Variants in SHROOM4 observed in about 807,000 individuals in gnomAD.
The protein encoded by SHROOM4 is shroom family member 4, also known as protein Shroom4.
SHROOM4 carries 17 observed loss-of-function variants against 80.3 expected under a neutral mutation model. That is an observed-to-expected ratio of 0.21 (90% CI 0.14 to 0.32). The LOEUF (loss-of-function observed/expected upper bound fraction) is 0.32. Among genes scored for constraint, SHROOM4 ranks in the 10% least tolerant of loss-of-function variants. SHROOM4 has a pLI of 1.00. For synonymous variants in SHROOM4, 400 were observed against 437.5 expected (o/e 0.91, Z 1.07); for missense variants, 993 against 1,140.3 (o/e 0.87, Z 1.86).
chrX:50,669,044 A>T (rs1557260575), intron 2 of SHROOM4, among the ~76,000 whole-genome samples: 1 of 112,618 alleles, frequency 8.9e-6, no homozygotes, highest in Non-Finnish European at 1.9e-5. Flanking sequence ...ATGAAAGAAT[A>T]CTTTATTGCT....
intron 1 of SHROOM4, among the ~76,000 whole-genome samples, chrX:50,793,440 G>A (rs1935893457): frequency 9.1e-6 from 1 of 109,946 alleles, no homozygotes; most frequent in East Asian, 2.8e-4. Flanking sequence ...CATGTTAAAT[G>A]TTCTCACTAC....
rs1928948704 is a variant in SHROOM4, at chrX:50,593,163, C to T, written c.*3532G>A. ...ATGATGAATGGTATAGCATCAATAC[C>T]ATCCCTCAGAGGCCAGGGTAAGGGT... On this transcript the variant is annotated 3_prime_UTR_variant, in exon 9 of 9. Coordinates refer to ENST00000376020, the MANE Select transcript of SHROOM4 (RefSeq NM_020717.5). 8.9e-6 allele frequency: 1 copy of T among 111,986 alleles called. No homozygotes were observed. The highest frequency in any genetic ancestry group is 9.5e-5 in the Admixed American group (1 of 10,560). 9.2% of individuals were successfully genotyped at this position (111,986 alleles called of 1,213,427 possible).
chrX:50,798,067 C>T (rs923918813), intron 1 of SHROOM4, among the ~76,000 whole-genome samples: 1 of 110,051 alleles, frequency 9.1e-6, no homozygotes, highest in Admixed American at 9.7e-5. Flanking sequence ...GGGAGGCCAC[C>T]CCTCACTTAA....
rs1377622823 is a variant in SHROOM4, at chrX:50,592,888, A to C, written c.*3807T>G. The stretch of plus-strand genomic sequence containing the variant: ...TGTTGACTTTTTCTGCATTCTAAAC[A>C]TGGGGTTAGACTGGATGTGATGTTG... On this transcript the variant is annotated 3_prime_UTR_variant, in exon 9 of 9. Transcript: ENST00000376020. 8.9e-6 allele frequency: 1 copy of C among 112,278 alleles called. No individual in the cohort carries two copies. Among genetic ancestry groups the C allele is most frequent in the African/African-American group, 3.2e-5 (1 of 30,804 alleles). 9.3% of individuals were successfully genotyped at this position (112,278 alleles called of 1,213,427 possible).
chrX:50,689,463 T>C (rs1602435708), intron 2 of SHROOM4, among the ~76,000 whole-genome samples: 1 of 112,275 alleles, frequency 8.9e-6, no homozygotes. Context: ...CCTAAGACTT[T>C]ACCCACATCA....
intron 2 of SHROOM4, among the ~76,000 whole-genome samples, chrX:50,690,402 C>T (rs1893658857): frequency 9.0e-6 from 1 of 111,133 alleles, no homozygotes; most frequent in South Asian, 3.8e-4. Context: ...AAACCTAGTC[C>T]TTGGTTTCAT....
chrX:50,696,450 G>A, intron 1 of SHROOM4, among the ~76,000 whole-genome samples: 1 of 111,573 alleles, frequency 9.0e-6, no homozygotes, highest in Non-Finnish European at 1.9e-5. Flanking sequence ...TCCCTCCTAC[G>A]TGACATGTAG....
At chrX:50,770,946 T>TC (rs1331444921) in intron 1 of SHROOM4, among the ~76,000 whole-genome samples, 1 of 110,794 alleles carries the variant, frequency 9.0e-6, no homozygotes, top group African/African-American at 3.3e-5. Flanking sequence ...AACACACACT[T>TC]CCCCCTACTC....
downstream of SHROOM4, among the ~76,000 whole-genome samples, chrX:50,585,292 G>C (rs936853850): frequency 1.8e-5 from 2 of 111,657 alleles, no homozygotes; most frequent in African/African-American, 3.3e-5. Flanking sequence ...TATATCAACA[G>C]GATGTTTCTG....
chrX:50,784,842 C>T (rs1935707314), intron 1 of SHROOM4, among the ~76,000 whole-genome samples: 1 of 111,845 alleles, frequency 8.9e-6, no homozygotes, highest in African/African-American at 3.2e-5. Context: ...AAGCCACAGA[C>T]TGGGAGAAAA....
intron 1 of SHROOM4, among the ~76,000 whole-genome samples, chrX:50,797,061 T>C (rs1312952495): frequency 4.9e-5 from 4 of 80,837 alleles, no homozygotes; most frequent in Admixed American, 1.5e-4. Flanking sequence ...GGAGGGAGAA[T>C]AGGGAAAGAA....
chrX:50,730,729 C>T (rs1022715792), intron 1 of SHROOM4, among the ~76,000 whole-genome samples: 9 of 108,667 alleles, frequency 8.3e-5, no homozygotes, highest in Admixed American at 3.9e-4. Context: ...GAGCCGAGAT[C>T]GCACCACTGC....
chrX:50,751,478 G>A (rs1373009062), intron 1 of SHROOM4, among the ~76,000 whole-genome samples: 7 of 111,822 alleles, frequency 6.3e-5, no homozygotes, highest in Non-Finnish European at 7.5e-5. Flanking sequence ...CATTCTGTAC[G>A]TCAGGAAGAT....
chrX:50,614,373 C>G (rs1285520289), intron 5 of SHROOM4, among the ~76,000 whole-genome samples: 1 of 111,675 alleles, frequency 9.0e-6, no homozygotes, highest in Non-Finnish European at 1.9e-5. Flanking sequence ...ATATTTGTAA[C>G]ATATACAACT....
intron 2 of SHROOM4, among the ~76,000 whole-genome samples, chrX:50,651,735 C>T (rs1277217989): frequency 1.8e-5 from 2 of 109,550 alleles, no homozygotes; most frequent in Non-Finnish European, 3.8e-5. Context: ...CTCCCCTAGC[C>T]CCTTAACCCC....
In SHROOM4 at chrX:50,680,210, A is replaced by T. The variant is rs139411854; in HGVS notation, c.269+15576T>A. Among the ~76,000 whole-genome samples the T allele has an allele frequency of 6.9e-3, 770 of 111,625 alleles. 8 individuals carry two copies. The highest frequency in any genetic ancestry group is 0.024 in the African/African-American group (736 of 30,745). ...CTATCTTTAAATATCGGAGTATCCC[A>T]GGGCTCAATACAAGGACCTCTCCTC... On this transcript the variant is annotated intron_variant, in intron 2 of 8. Transcript: ENST00000376020.
chrX:50,748,619 G>C (rs1442961497), intron 1 of SHROOM4, among the ~76,000 whole-genome samples: 1 of 111,706 alleles, frequency 9.0e-6, no homozygotes, highest in Admixed American at 9.5e-5. Flanking sequence ...ATTTTGTGCT[G>C]ATTAAGACTC....
chrX:50,715,751 G>A (rs1203336743), intron 1 of SHROOM4, among the ~76,000 whole-genome samples: 2 of 110,281 alleles, frequency 1.8e-5, no homozygotes, highest in Admixed American at 9.7e-5. Flanking sequence ...CTTGCACAGC[G>A]GTGGTGGGAA....
intron 2 of SHROOM4, among the ~76,000 whole-genome samples, chrX:50,695,265 A>G (rs1933340638): frequency 8.9e-6 from 1 of 112,071 alleles, no homozygotes; most frequent in Admixed American, 9.5e-5. Flanking sequence ...TGAACAATCC[A>G]TTTGATAATC....
Sources: gnomAD v4.1 joint callset for allele counts (sites outside exome capture counted in the v4.1 genomes callset) on GRCh38, gnomAD v4.1.1 for gene constraint, MANE v1.5 for transcripts, NCBI Gene and HGNC (gene_info 2026-07-23, HGNC 2026-07-21) for gene names.